Variants in DHX40 observed in about 807,000 individuals in gnomAD.
DHX40 encodes the protein DEAH-box helicase 40.
Under a neutral mutation model 89.6 loss-of-function variants are expected in DHX40, and 28 were observed. The observed-to-expected ratio is 0.31, with a 90% CI of 0.23 to 0.43. The LOEUF (loss-of-function observed/expected upper bound fraction) is 0.43. DHX40 is among the 20% of genes least tolerant of loss of function. The pLI is 1.00. For synonymous variants in DHX40, 226 were observed against 283.6 expected, an observed-to-expected ratio of 0.80 and a Z score of 2.04; for missense variants, 457 against 844.0, an observed-to-expected ratio of 0.54 and a Z score of 5.68.
In DHX40 at chr17:59,573,835, A is replaced by G. The variant is rs143179414; in HGVS notation, c.642A>G (p.Glu214=). The G allele has an allele frequency of 1.8e-3, 2,979 of 1,613,528 alleles. 48 individuals carry two copies. In the African/African-American group the frequency reaches 0.032, roughly 18 times the overall value. ...TGGTGGTAATGTCAGCAACTATGGA[A>G]TTAGCCAAGCTCTCTGCATTCTTTG... ...LKVVVMSATM[E]LAKLSAFFGN... Residue 214 remains glutamate (E), a synonymous_variant, in exon 5 of 18, where the codon GAA becomes GAG. Transcript: ENST00000251241.
rs758619916 is a variant in DHX40 at position 59,573,139 on chromosome 17, T to C, written c.450T>C (p.Thr150=). 29 of 1,612,460 alleles carry C rather than the reference T, an allele frequency of 1.8e-5. No homozygotes were observed. The highest frequency in any genetic ancestry group is 2.3e-5 in the Non-Finnish European group (27 of 1,179,532). ...SSKETAIKYM[T]DGCLLKHILG... ...AGGAGACAGCAATCAAATATATGAC[T>C]GATGGATGTTTACTGAAACATATTC... Residue 150 remains threonine, a synonymous_variant, in exon 4 of 18, where the codon ACT becomes ACC. Coordinates refer to ENST00000251241, the MANE Select transcript of DHX40 (RefSeq NM_024612.5).
intron 7 of DHX40, among the ~76,000 whole-genome samples, chr17:59,576,434 A>G (rs1323325117): frequency 6.6e-6 from 1 of 152,030 alleles, no homozygotes; most frequent in Non-Finnish European, 1.5e-5. Context: ...TGGAATTAGC[A>G]TTTGAATGTT....
intron 3 of DHX40, among the ~76,000 whole-genome samples, 184 bp from the exon 4 acceptor site, chr17:59,572,932 C>G (rs553225298): frequency 5.3e-5 from 8 of 152,250 alleles, no homozygotes; most frequent in African/African-American, 1.7e-4. Context: ...TTATTTGTCC[C>G]TTTTTCTGTA....
chr17:59,576,018 TA>T (rs1466127395), intron 7 of DHX40, among the ~76,000 whole-genome samples: 6 of 146,002 alleles, frequency 4.1e-5, no homozygotes, highest in Non-Finnish European at 7.6e-5. Flanking sequence ...GCCTCCCAAG[TA>T]GCTGGGATTG....
intron 2 of DHX40, among the ~76,000 whole-genome samples, chr17:59,569,291 G>T (rs903868385): frequency 6.6e-6 from 1 of 151,778 alleles, no homozygotes; most frequent in Admixed American, 6.6e-5. Flanking sequence ...TTGTGCCACT[G>T]CACTCCCGCC....
intron 1 of DHX40, 40 bp downstream of exon 1, chr17:59,565,823 C>T (rs373812799): frequency 1.6e-5 from 25 of 1,527,002 alleles, no homozygotes; most frequent in Non-Finnish European, 2.1e-5. Flanking sequence ...GCGGGAGTTA[C>T]GGCGTGGGGG....
intron 17 of DHX40, 44 bp from the exon 18 acceptor site, chr17:59,606,989 A>C (rs750644408): frequency 1.3e-6 from 2 of 1,542,060 alleles, no homozygotes; most frequent in Non-Finnish European, 1.8e-6. Flanking sequence ...CTAGTACTGA[A>C]TCTCAAAGCT....
intron 10 of DHX40, among the ~76,000 whole-genome samples, chr17:59,585,288 TACTCAGCAGGCTGAGG>T (rs1400628340): frequency 2.5e-5 from 3 of 120,850 alleles, no homozygotes; most frequent in Non-Finnish European, 5.0e-5. Flanking sequence ...TAATCCCAGC[TACTCAGCAGGCTGAGG>T]CAGGAGAATC....
At position 59,605,435 on chromosome 17, in the gene DHX40, G is replaced by T. The variant is rs769623092; in HGVS notation, c.1972-11G>T. ...TTGAGTTACCATCATTAAAAGAAATGTTTTGTATAGCTTCATGAACAGGAA... is the reference window on the plus strand; with the variant it reads ...TTGAGTTACCATCATTAAAAGAAATTTTTTGTATAGCTTCATGAACAGGAA... On this transcript the variant is annotated splice_polypyrimidine_tract_variant and intron_variant, in intron 16 of 17. Coordinates refer to ENST00000251241, the MANE Select transcript of DHX40 (RefSeq NM_024612.5). The T allele has an allele frequency of 2.0e-5, 32 of 1,607,266 alleles. No individual in the cohort carries two copies. The highest frequency in any genetic ancestry group is 2.3e-5 in the Non-Finnish European group (27 of 1,174,792).
At chr17:59,572,880 A>G (rs2048831027) in intron 3 of DHX40, among the ~76,000 whole-genome samples, 1 of 152,062 alleles carries the variant, frequency 6.6e-6, no homozygotes, top group African/African-American at 2.4e-5. Flanking sequence ...GTATTTCCTT[A>G]TTGGTGATTT....
intron 3 of DHX40, among the ~76,000 whole-genome samples, chr17:59,572,221 G>C (rs1051076818): frequency 1.3e-5 from 2 of 152,102 alleles, no homozygotes; most frequent in African/African-American, 4.8e-5. Context: ...AATGGGAATG[G>C]CCATCAAATG....
chr17:59,585,584 G>A (rs1360854001), intron 10 of DHX40, among the ~76,000 whole-genome samples: 2 of 147,764 alleles, frequency 1.4e-5, no homozygotes, highest in South Asian at 2.2e-4. Context: ...TTAGCTAGGC[G>A]TGGTGGCATG....
At chr17:59,601,427 A>G (rs1373502756) in intron 14 of DHX40, among the ~76,000 whole-genome samples, 1 of 150,314 alleles carries the variant, frequency 6.7e-6, no homozygotes, top group Non-Finnish European at 1.5e-5. Context: ...AAGTTCATTA[A>G]TCTTTTCTCC....
At chr17:59,593,814 A>G (rs1035046050) in intron 12 of DHX40, among the ~76,000 whole-genome samples, 1 of 152,012 alleles carries the variant, frequency 6.6e-6, no homozygotes, top group African/African-American at 2.4e-5. Flanking sequence ...AAACAAAAAA[A>G]CTTTAATTCG....
chr17:59,604,062 A>G (rs915907663), intron 15 of DHX40: 1 of 152,240 alleles, frequency 6.6e-6, no homozygotes, highest in African/African-American at 2.4e-5. Context: ...ATTCTGAATT[A>G]CATCCTTTTG....
At chr17:59,595,416 G>A (rs1298607379) in intron 12 of DHX40, among the ~76,000 whole-genome samples, 1 of 152,124 alleles carries the variant, frequency 6.6e-6, no homozygotes, top group African/African-American at 2.4e-5. Flanking sequence ...AAAGTTTTCG[G>A]AGATTTGTGA....
chr17:59,595,498 GA>G (rs2029979808), intron 12 of DHX40, among the ~76,000 whole-genome samples: 1 of 149,048 alleles, frequency 6.7e-6, no homozygotes, highest in African/African-American at 2.5e-5. Flanking sequence ...AGTATGTCAT[GA>G]AAACATAAAC....
chr17:59,603,777 G>A (rs1017054394), intron 15 of DHX40: 1 of 152,114 alleles, frequency 6.6e-6, no homozygotes, highest in Non-Finnish European at 1.5e-5. Context: ...CCTAAATCAA[G>A]CAATCAAAGT....
In DHX40 at chr17:59,570,675, T is replaced by C; in HGVS notation, c.426+12T>C. On this transcript the variant is annotated intron_variant, in intron 3 of 17. Coordinates refer to ENST00000251241, the MANE Select transcript of DHX40 (RefSeq NM_024612.5). ...ATTGCAGTTCTAAGGTACAAAAGTCTTGTTGGTATTTGTTTCTTTTCTTTT... is the reference window on the plus strand; with the variant it reads ...ATTGCAGTTCTAAGGTACAAAAGTCCTGTTGGTATTTGTTTCTTTTCTTTT... The C allele has an allele frequency of 6.3e-7, 1 of 1,597,372 alleles. No individual in the cohort carries two copies. The highest frequency in any genetic ancestry group is 8.5e-7 in the Non-Finnish European group (1 of 1,171,750).
Sources: allele counts gnomAD v4.1 joint callset (sites outside exome capture counted in the v4.1 genomes callset), GRCh38; gene constraint gnomAD v4.1.1; transcripts MANE v1.5; gene names NCBI Gene and HGNC (gene_info 2026-07-23, HGNC 2026-07-21).